The following BUD13 variants were observed in gnomAD, a reference collection of about 807,000 sequenced individuals.
BUD13 encodes BUD13 spliceosome associated protein.
BUD13 carries 47 observed loss-of-function variants against 62.5 expected under a neutral mutation model. The observed-to-expected ratio is 0.75, with a 90% CI of 0.60 to 0.96. The LOEUF (loss-of-function observed/expected upper bound fraction) is 0.96. Ranked by LOEUF, BUD13 falls within the 40% of genes least tolerant of loss-of-function variation. The probability of loss-of-function intolerance (pLI) is 0.00; values close to 1 mark genes in which losing one functional copy is unlikely to be tolerated. For missense variants in BUD13, 821 were observed against 790.9 expected (o/e 1.04, Z -0.46); for synonymous variants, 293 against 280.1 (o/e 1.05, Z -0.46).
Position 116,763,090 on chromosome 11 carries a change from C to T in BUD13, c.499G>A (p.Gly167Arg). ...GATGTGTCTGAGTCATGACGAGCCC[C>T]TCTGAGGGGAGAAGGATCCGGGGTG... ...HDTPDPSPLR[G>R]ARHDSDTSPP... is the part of the protein sequence containing the mutation. Residue 167 changes from glycine to arginine, a missense_variant, in exon 4 of 10, where the codon GGG (glycine) becomes AGG (arginine). By Grantham distance (125) the Gly-to-Arg change is moderately radical. Transcript: ENST00000260210. The T allele has an allele frequency of 6.3e-7, 1 of 1,577,290 alleles. No individual in the cohort carries two copies.
intron 9 of BUD13, among the ~76,000 whole-genome samples, chr11:116,755,451 C>CAA (rs1229337568): frequency 6.6e-6 from 1 of 152,168 alleles, no homozygotes; most frequent in Non-Finnish European, 1.5e-5. Flanking sequence ...AAGATCCACT[C>CAA]AAAGTATTAA....
Position 116,748,407 on chromosome 11 carries a change from A to G in BUD13, c.*75T>C, listed in dbSNP as rs1354722969. 5.3e-5 allele frequency: 71 copies of G among 1,329,770 alleles called. No homozygotes were observed. In the Admixed American group the frequency reaches 1.2e-3, roughly 23 times the overall value. The allele number at this position is 1,329,770 out of a possible 1,614,324, so 82.4% of individuals were successfully genotyped here. ...GTGTGGGCTCCAATTATTAGCACAG[A>G]CAACTGTTACCACTGGATATCTCGC... is the stretch of plus-strand genomic sequence containing the variant. On this transcript the variant is annotated 3_prime_UTR_variant, in exon 10 of 10. Transcript: ENST00000260210.
rs145906707 is a variant in BUD13 at position 116,748,462 on chromosome 11, C to A, written c.*20G>T. On this transcript the variant is annotated 3_prime_UTR_variant, in exon 10 of 10. Transcript: ENST00000260210. The stretch of plus-strand genomic sequence containing the variant: ...TATGCCCACTACCACAGCCCAGCCA[C>A]CCCCACAGCCTCAGGAAAGTTACAT... 6.2e-7 allele frequency: 1 copy of A among 1,610,902 alleles called. No individual in the cohort carries two copies. The highest frequency in any genetic ancestry group is 8.5e-7 in the Non-Finnish European group (1 of 1,177,152).
intron 1 of BUD13, 40 bp downstream of exon 1, chr11:116,772,782 C>A: frequency 6.7e-7 from 1 of 1,488,376 alleles, no homozygotes; most frequent in East Asian, 2.6e-5. Context: ...GAAGGGGTGG[C>A]TAGACGTCGC....
At chr11:116,772,665 G>A (rs1940651669) in intron 1 of BUD13, among the ~76,000 whole-genome samples, 157 bp downstream of exon 1, 1 of 152,198 alleles carries the variant, frequency 6.6e-6, no homozygotes, top group African/African-American at 2.4e-5. Context: ...AAGGCGGGGG[G>A]CCTCAAGCGA....
intron 2 of BUD13, among the ~76,000 whole-genome samples, chr11:116,769,110 C>CA (rs1940580859): frequency 6.6e-6 from 1 of 151,776 alleles, no homozygotes; most frequent in Admixed American, 6.6e-5. Flanking sequence ...AGCCTATCTA[C>CA]AGCTCTCCTT....
chr11:116,756,327 A>G (rs1247667622), intron 9 of BUD13, among the ~76,000 whole-genome samples: 3 of 152,098 alleles, frequency 2.0e-5, no homozygotes, highest in Admixed American at 6.5e-5. Context: ...GCCTGGCAAC[A>G]TGGTGAAACT....
chr11:116,758,431 AT>A, intron 6 of BUD13, 24 bp from the exon 7 acceptor site: 1 of 1,612,286 alleles, frequency 6.2e-7, no homozygotes. Context: ...TTATACTCAA[AT>A]ATCAGGATCA....
chr11:116,762,966 T>C lies in BUD13; in HGVS notation c.623A>G (p.His208Arg). 6.2e-7 allele frequency: 1 copy of C among 1,613,898 alleles called. No individual in the cohort carries two copies. The highest frequency in any genetic ancestry group is 8.5e-7 in the Non-Finnish European group (1 of 1,179,942). Residue 208 changes from histidine (H) to arginine (R), a missense_variant, in exon 4 of 10, where the codon CAT becomes CGT. Physicochemically the swap from His to Arg is conservative, Grantham distance 29. Transcript: ENST00000260210. ...CCTAGGAGATGCACCTGAAGAATTA[T>C]GCTGAGGCCTCCTTGGGGGAGAAGG... The part of the protein sequence containing the change: ...PDPSPPRRPQ[H>R]NSSGASPRRV...
At chr11:116,761,056 CT>C in intron 4 of BUD13, 104 bp from the exon 5 acceptor site, 1 of 918,628 alleles carries the variant, frequency 1.1e-6, no homozygotes, top group Non-Finnish European at 1.6e-6. Context: ...TAAAGAATTC[CT>C]TACATTATTA....
intron 9 of BUD13, among the ~76,000 whole-genome samples, chr11:116,755,923 C>T (rs923784620): frequency 3.3e-5 from 5 of 151,942 alleles, no homozygotes; most frequent in Middle Eastern, 3.2e-3. Context: ...TTTTTAAGAG[C>T]GTAGGCCAGG....
chr11:116,762,431 C>G (rs1048361302), intron 4 of BUD13, 122 bp downstream of exon 4: 2 of 825,438 alleles, frequency 2.4e-6, no homozygotes, highest in Admixed American at 5.9e-5. Context: ...CCAAACCCAG[C>G]CTCTCACTTT....
At chr11:116,751,656 A>G (rs1940236881) in intron 9 of BUD13, among the ~76,000 whole-genome samples, 1 of 152,176 alleles carries the variant, frequency 6.6e-6, no homozygotes, top group Non-Finnish European at 1.5e-5. Context: ...GAAGCTTATT[A>G]TAAATGGCAT....
chr11:116,757,051 A>G (rs1940338716), intron 9 of BUD13, 95 bp downstream of exon 9: 2 of 1,216,454 alleles, frequency 1.6e-6, no homozygotes, highest in Admixed American at 2.0e-5. Context: ...TCACCTTGTG[A>G]TTAAAGCAGA....
intron 1 of BUD13, among the ~76,000 whole-genome samples, chr11:116,771,873 G>T (rs920791337): frequency 1.3e-5 from 2 of 152,216 alleles, no homozygotes; most frequent in Non-Finnish European, 2.9e-5. Context: ...CTCTCTCGCA[G>T]TTCTGGAAGC....
In BUD13 at chr11:116,772,862, G is replaced by A. The variant is rs1438457552; in HGVS notation, c.103C>T (p.Arg35Cys). 2 of 1,589,942 alleles carry A rather than the reference G, an allele frequency of 1.3e-6. No individual in the cohort carries two copies. The highest frequency in any genetic ancestry group is 1.1e-5 in the South Asian group (1 of 88,534). The change falls in exon 1 of 10, where the codon CGC (arginine) becomes TGC (cysteine). Residue 35 changes from arginine to cysteine, a missense_variant. Physicochemically the swap from Arg to Cys is radical, Grantham distance 180. Transcript: ENST00000260210. The part of the protein sequence containing the change: ...DRGSESGRKR[R>C]KKRPKPGGAG... ...CCGCCAGGCTTCGGCCGCTTTTTGC[G>A]ACGCTTGCGACCGGACTCAGATCCC...
intron 9 of BUD13, among the ~76,000 whole-genome samples, chr11:116,752,034 C>T (rs1199986224): frequency 6.6e-6 from 1 of 152,162 alleles, no homozygotes; most frequent in African/African-American, 2.4e-5. Context: ...AGCTCCGCTT[C>T]CCGGGTTCAC....
Position 116,758,419 on chromosome 11 carries a change from A to G in BUD13, c.1361-12T>C, listed in dbSNP as rs918026023. On this transcript the variant is annotated splice_polypyrimidine_tract_variant and intron_variant, in intron 6 of 9. Coordinates refer to ENST00000260210, the MANE Select transcript of BUD13 (RefSeq NM_032725.4). Reference sequence around the variant, plus strand: ...ATATTGAAATTCAGCTGCAAAGGAAAATTATACTCAAATATCAGGATCAAA... The same window carrying G: ...ATATTGAAATTCAGCTGCAAAGGAAGATTATACTCAAATATCAGGATCAAA... 4.3e-6 allele frequency: 7 copies of G among 1,613,382 alleles called. No homozygotes were observed. In the Admixed American group the frequency reaches 6.7e-5, roughly 15 times the overall value.
At chr11:116,770,497 CTTTTTTT>C (rs750220858) in intron 1 of BUD13, among the ~76,000 whole-genome samples, 1 of 142,288 alleles carries the variant, frequency 7.0e-6, no homozygotes, top group Non-Finnish European at 1.5e-5. Flanking sequence ...CAATCTTTTT[CTTTTTTT>C]TTTTTTTTGA....
Sources: gnomAD v4.1 joint callset for allele counts (sites outside exome capture counted in the v4.1 genomes callset) on GRCh38, gnomAD v4.1.1 for gene constraint, MANE v1.5 for transcripts, NCBI Gene and HGNC (gene_info 2026-07-23, HGNC 2026-07-21) for gene names.